Variants in CNTRL observed in about 807,000 individuals in gnomAD.
The protein encoded by CNTRL is 110 kDa centrosomal protein.
Under a neutral mutation model 303.7 loss-of-function variants are expected in CNTRL, and 233 were observed. The ratio of observed to expected loss-of-function variants is 0.77; its 90% CI spans 0.69 to 0.86. The LOEUF (loss-of-function observed/expected upper bound fraction) is 0.86, where lower values mean the gene tolerates loss of function less well. Ranked by LOEUF, CNTRL falls within the 40% of genes least tolerant of loss-of-function variation. The pLI is 0.00. For missense variants in CNTRL, 2,524 were observed against 2,650.6 expected (o/e 0.95, Z 1.05); for synonymous variants, 900 against 922.2 (o/e 0.98, Z 0.44).
chr9:121,155,177 T>C (rs1386100410), intron 27 of CNTRL, among the ~76,000 whole-genome samples: 1 of 152,212 alleles, frequency 6.6e-6, no homozygotes, highest in African/African-American at 2.4e-5. Context: ...ACAGCGTATT[T>C]AAAATTCCTG....
chr9:121,152,727 A>G, intron 26 of CNTRL, 34 bp downstream of exon 26: 1 of 1,453,702 alleles, frequency 6.9e-7, no homozygotes, highest in Non-Finnish European at 9.5e-7. Flanking sequence ...TCAGACAAAT[A>G]CGATATTAGT....
At position 121,177,265 on chromosome 9, in the gene CNTRL, G is replaced by GT. The variant is rs2053565795; in HGVS notation, c.*86dup. The GT allele has an allele frequency of 8.0e-7, 1 of 1,253,724 alleles. No individual in the cohort carries two copies. Among genetic ancestry groups the GT allele is most frequent in the Non-Finnish European group, 1.2e-6 (1 of 867,048 alleles). 77.7% of individuals were successfully genotyped at this position (1,253,724 alleles called of 1,614,324 possible). On this transcript the variant is annotated 3_prime_UTR_variant, in exon 44 of 44. Coordinates refer to ENST00000373855, the MANE Select transcript of CNTRL (RefSeq NM_007018.6). ...GACTTCATAATTGGAATGTCACATG[G>GT]TTTTTTTAATCAAGATGCAGTGAAC... is the stretch of plus-strand genomic sequence containing the variant.
chr9:121,173,708 A>G lies in CNTRL; in HGVS notation c.6718A>G (p.Lys2240Glu). 1 of 1,614,144 alleles carries G rather than the reference A, an allele frequency of 6.2e-7. No individual in the cohort carries two copies. The highest frequency in any genetic ancestry group is 8.5e-7 in the Non-Finnish European group (1 of 1,180,006). ...EHWRGEALRE[K>E]LRHREDRLKA... is the part of the protein sequence containing the mutation. ...CTGGCGTGGAGAAGCACTCCGGGAGAAACTGCGTCACCGGGAAGACCGACT... is the reference window on the plus strand; with the variant it reads ...CTGGCGTGGAGAAGCACTCCGGGAGGAACTGCGTCACCGGGAAGACCGACT... Residue 2240 changes from lysine (K) to glutamate (E), a missense_variant, in exon 42 of 44, where the codon AAA becomes GAA. Coordinates refer to ENST00000373855, the MANE Select transcript of CNTRL (RefSeq NM_007018.6).
chr9:121,133,775 C>A lies in CNTRL; in HGVS notation c.2026-2031C>A, dbSNP rs1048113441. On this transcript the variant is annotated intron_variant, in intron 14 of 43. Transcript: ENST00000373855. ...TGCAGACCAAGCTGTTCCTATTTGG[C>A]CATCTCGGAACGGGATTCAATTTTA... 1.1e-4 allele frequency among the ~76,000 whole-genome samples: 16 copies of A among 152,214 alleles called. 1 individual carries two copies. The highest frequency in any genetic ancestry group is 2.4e-4 in the Non-Finnish European group (16 of 68,034).
chr9:121,124,676 G>A (rs1334430876), intron 13 of CNTRL, among the ~76,000 whole-genome samples: 3 of 151,136 alleles, frequency 2.0e-5, no homozygotes, highest in African/African-American at 7.3e-5. Context: ...GGTGGCTCAC[G>A]CCTGTAATCC....
At chr9:121,085,299 A>C (rs1430546282) in intron 2 of CNTRL, among the ~76,000 whole-genome samples, 1 of 152,214 alleles carries the variant, frequency 6.6e-6, no homozygotes, top group Non-Finnish European at 1.5e-5. Flanking sequence ...TTCTGGAAAT[A>C]TTCTGTTTCT....
chr9:121,171,168 G>T, intron 39 of CNTRL: 2 of 566,186 alleles, frequency 3.5e-6, no homozygotes. Flanking sequence ...GACAATTAAT[G>T]AAGACTCAGA....
At chr9:121,082,361 C>T (rs2048172310) in intron 2 of CNTRL, among the ~76,000 whole-genome samples, 1 of 152,166 alleles carries the variant, frequency 6.6e-6, no homozygotes, top group African/African-American at 2.4e-5. Flanking sequence ...AAACATACTC[C>T]TAAGTTAGGC....
chr9:121,152,397 A>G, intron 25 of CNTRL, 88 bp from the exon 26 acceptor site: 2 of 1,096,230 alleles, frequency 1.8e-6, no homozygotes, highest in Non-Finnish European at 2.7e-6. Flanking sequence ...ATACCACTTT[A>G]ACCACAGTTA....
intron 6 of CNTRL, 60 bp downstream of exon 6, chr9:121,096,623 A>G: frequency 7.7e-7 from 1 of 1,291,068 alleles, no homozygotes; most frequent in Admixed American, 2.7e-5. Context: ...GATTAAAAAT[A>G]TCTAAGTTTT....
rs567870704 is a variant in CNTRL, at chr9:121,116,823, G to A, written c.1456-1523G>A. ...AACCAGGAAGGTGCTGGTGGATGTG[G>A]AGAGAAAGCCAGCTGATTCCAGGAA... On this transcript the variant is annotated intron_variant, in intron 11 of 43. Coordinates refer to ENST00000373855, the MANE Select transcript of CNTRL (RefSeq NM_007018.6). Among the ~76,000 whole-genome samples the A allele has an allele frequency of 3.3e-5, 5 of 152,290 alleles. No homozygotes were observed. In the South Asian group the frequency reaches 8.3e-4, roughly 25 times the overall value.
chr9:121,148,927 T>G, intron 24 of CNTRL, 66 bp downstream of exon 24: 2 of 1,438,886 alleles, frequency 1.4e-6, no homozygotes, highest in Non-Finnish European at 1.9e-6. Flanking sequence ...ACTGATTCTC[T>G]GAAACCCCTA....
At chr9:121,143,859 T>A in intron 19 of CNTRL, 44 bp from the exon 20 acceptor site, 1 of 1,485,048 alleles carries the variant, frequency 6.7e-7, no homozygotes, top group East Asian at 2.3e-5. Context: ...AATTCATTCC[T>A]GCCAAATGAT....
intron 3 of CNTRL, 126 bp downstream of exon 3, chr9:121,088,669 C>T: frequency 1.6e-6 from 1 of 629,914 alleles, no homozygotes; most frequent in South Asian, 2.0e-5. Flanking sequence ...TTTTTATTAA[C>T]AGAAATTAAG....
chr9:121,116,338 T>A (rs1458890973), intron 11 of CNTRL, among the ~76,000 whole-genome samples: 1 of 152,172 alleles, frequency 6.6e-6, no homozygotes. Context: ...AGTCTTGAGG[T>A]TAAAGATCAT....
chr9:121,114,511 TG>T (rs1269839877), intron 10 of CNTRL, among the ~76,000 whole-genome samples: 1 of 152,178 alleles, frequency 6.6e-6, no homozygotes, highest in Non-Finnish European at 1.5e-5. Context: ...TGCAAGGCTC[TG>T]GGGGAAAGCA....
chr9:121,114,466 A>G (rs148703230), intron 10 of CNTRL, among the ~76,000 whole-genome samples: 5 of 152,318 alleles, frequency 3.3e-5, no homozygotes, highest in African/African-American at 1.2e-4. Flanking sequence ...GAAGGAAGAA[A>G]AGAAACTGAG....
At chr9:121,081,601 G>A (rs1457258625) in intron 2 of CNTRL, among the ~76,000 whole-genome samples, 1 of 150,676 alleles carries the variant, frequency 6.6e-6, no homozygotes, top group African/African-American at 2.5e-5. Flanking sequence ...ACAGAACTCA[G>A]AGAAATACTA....
Position 121,125,851 on chromosome 9 carries a change from A to C in CNTRL, c.1940A>C (p.Glu647Ala), listed in dbSNP as rs367624022. 1.4e-5 allele frequency: 22 copies of C among 1,614,250 alleles called. No individual in the cohort carries two copies. Among genetic ancestry groups the C allele is most frequent in the Non-Finnish European group, 1.8e-5 (21 of 1,180,034 alleles). The change falls in exon 14 of 44, where the codon GAG becomes GCG. Residue 647 changes from glutamate (E) to alanine (A), a missense_variant. Glu to Ala is a moderately radical substitution (Grantham distance 107, BLOSUM62 -1). Coordinates refer to ENST00000373855, the MANE Select transcript of CNTRL (RefSeq NM_007018.6). The part of the protein sequence containing the change: ...NECRKLRDEK[E>A]TLLQRLTEVE... Reference sequence around the variant, plus strand: ...TGCAGGAAGCTGCGGGATGAGAAAGAGACATTGTTGCAGAGATTGACAGAA... The same window carrying C: ...TGCAGGAAGCTGCGGGATGAGAAAGCGACATTGTTGCAGAGATTGACAGAA...
Sources: gnomAD v4.1 joint callset for allele counts (sites outside exome capture counted in the v4.1 genomes callset) on GRCh38, gnomAD v4.1.1 for gene constraint, MANE v1.5 for transcripts, NCBI Gene and HGNC (gene_info 2026-07-23, HGNC 2026-07-21) for gene names.